Variants in CHAT observed in about 807,000 individuals in gnomAD.
CHAT encodes choline O-acetyltransferase, also known as acetyl CoA:choline O-acetyltransferase.
In CHAT, 61 loss-of-function variants were observed where a neutral mutation model predicts 76.9. The ratio of observed to expected loss-of-function variants is 0.79; its 90% CI spans 0.65 to 0.98. The LOEUF (loss-of-function observed/expected upper bound fraction) is 0.98. Ranked by LOEUF, CHAT falls within the 50% of genes least tolerant of loss-of-function variation. CHAT has a pLI of 0.00. For synonymous variants in CHAT, 407 were observed against 397.4 expected, an observed-to-expected ratio of 1.02 and a Z score of -0.29; for missense variants, 946 against 986.9, an observed-to-expected ratio of 0.96 and a Z score of 0.56.
rs1180855605 is a variant in CHAT at position 49,614,401 on chromosome 10, C to T, written c.212C>T (p.Pro71Leu). The T allele has an allele frequency of 1.9e-6, 3 of 1,546,838 alleles. No homozygotes were observed. Among genetic ancestry groups the T allele is most frequent in the African/African-American group, 1.4e-5 (1 of 72,954 alleles). The part of the protein sequence containing the change: ...PRAATRPPPL[P>L]AHTPAHTPEW... ...GCTGCGACACGCCCCCCACCCCTTCCGGCTCACACCCCCGCCCACACTCCT... is the reference window on the plus strand; with the variant it reads ...GCTGCGACACGCCCCCCACCCCTTCTGGCTCACACCCCCGCCCACACTCCT... The change falls in exon 1 of 15, where the codon CCG becomes CTG. Residue 71 changes from proline (P) to leucine (L), a missense_variant. Transcript: ENST00000337653.
chr10:49,653,778 G>A (rs868201455), intron 11 of CHAT, among the ~76,000 whole-genome samples: 2 of 152,368 alleles, frequency 1.3e-5, no homozygotes, highest in South Asian at 4.1e-4. Context: ...TAGGCCGTGA[G>A]GTCAGCATCC....
Position 49,667,660 on chromosome 10 carries a change from A to G in CHAT, c.*2614A>G, listed in dbSNP as rs772843968. On this transcript the variant is annotated 3_prime_UTR_variant, in exon 15 of 15. Transcript: ENST00000337653. ...AGGTGTCCCCAAAGAGATGGAAAAC[A>G]AGACAGTCATTTGGAACAGTGATGC... 2.0e-5 allele frequency among the ~76,000 whole-genome samples: 3 copies of G among 152,232 alleles called. No individual in the cohort carries two copies. Among genetic ancestry groups the G allele is most frequent in the Non-Finnish European group, 2.9e-5 (2 of 68,038 alleles).
At chr10:49,622,171 C>T (rs758307255) in intron 5 of CHAT, 21 bp downstream of exon 5, 8 of 1,612,870 alleles carry the variant, frequency 5.0e-6, no homozygotes, top group Non-Finnish European at 6.8e-6. Flanking sequence ...GAGGGTGGTG[C>T]CCTGTTCCAG....
intron 5 of CHAT, 35 bp from the exon 6 acceptor site, chr10:49,625,429 ACCATCCCCT>A: frequency 6.3e-7 from 1 of 1,592,960 alleles, no homozygotes. Flanking sequence ...CTCACCACCC[ACCATCCCCT>A]CGTGGCTGCC....
chr10:49,625,888 C>T (rs972893780), intron 6 of CHAT, among the ~76,000 whole-genome samples: 2 of 152,206 alleles, frequency 1.3e-5, no homozygotes, highest in African/African-American at 2.4e-5. Context: ...ACTCTCACTT[C>T]AGCACTGATG....
At chr10:49,613,968 C>A, upstream of CHAT, 1 of 782,040 alleles carries the variant, frequency 1.3e-6, no homozygotes, top group Non-Finnish European at 2.1e-6. Context: ...TCAGACCCAA[C>A]CCTCTCCAGG....
chr10:49,614,535 C>T (rs1406811040), intron 1 of CHAT, 60 bp downstream of exon 1: 7 of 1,055,526 alleles, frequency 6.6e-6, no homozygotes, highest in Non-Finnish European at 9.0e-6. Context: ...GGGCGGCGGT[C>T]GGGGGCTCTA....
At chr10:49,633,727 G>T (rs563496170) in intron 7 of CHAT, among the ~76,000 whole-genome samples, 3 of 152,238 alleles carry the variant, frequency 2.0e-5, no homozygotes, top group African/African-American at 7.2e-5. Context: ...TGTAGGAAAA[G>T]AATGGCCAGC....
chr10:49,642,187 A>G (rs555622096), intron 7 of CHAT, among the ~76,000 whole-genome samples: 63 of 152,350 alleles, frequency 4.1e-4, no homozygotes, highest in Non-Finnish European at 7.3e-4. Flanking sequence ...GGATGCCACA[A>G]GACAAATGGC....
chr10:49,660,319 G>A (rs778224732), intron 13 of CHAT, among the ~76,000 whole-genome samples: 53 of 152,148 alleles, frequency 3.5e-4, no homozygotes, highest in African/African-American at 1.1e-3. Context: ...CGGGGTGCCC[G>A]TAGTCCCAGC....
intron 7 of CHAT, among the ~76,000 whole-genome samples, chr10:49,639,820 T>C (rs1411636244): frequency 6.6e-6 from 1 of 152,114 alleles, no homozygotes; most frequent in Non-Finnish European, 1.5e-5. Context: ...CTGCCCTCTT[T>C]CTCCTCTCCT....
rs1173111361 is a variant in CHAT at position 49,649,408 on chromosome 10, G to A, written c.1383-100G>A. The A allele has an allele frequency of 5.5e-5, 86 of 1,565,726 alleles. 1 individual carries two copies. The highest frequency in any genetic ancestry group is 4.6e-4 in the South Asian group (41 of 89,398). Reference sequence around the variant, plus strand: ...TCGTACCCCCTGAAACTCCATGGCCGCAAACACTGACAGCTAAGATGATTG... The same window carrying A: ...TCGTACCCCCTGAAACTCCATGGCCACAAACACTGACAGCTAAGATGATTG... On this transcript the variant is annotated intron_variant, in intron 9 of 14. Transcript: ENST00000337653.
rs778801148 is a variant in CHAT at position 49,649,575 on chromosome 10, C to G, written c.1450C>G (p.Arg484Gly). The change falls in exon 10 of 15, where the codon CGG (arginine) becomes GGG (glycine). Residue 484 changes from arginine (R) to glycine (G), a missense_variant. Coordinates refer to ENST00000337653, the MANE Select transcript of CHAT (RefSeq NM_020549.5). ...VSELPAPRRL[R>G]WKCSPEIQGH... ...CGAGCTCCCCGCCCCCCGGAGGCTG[C>G]GGTGGAAATGCTCCCCGGAAATTCA... 3 of 1,613,890 alleles carry G rather than the reference C, an allele frequency of 1.9e-6. No homozygotes were observed. The highest frequency in any genetic ancestry group is 2.5e-6 in the Non-Finnish European group (3 of 1,180,036).
intron 13 of CHAT, among the ~76,000 whole-genome samples, chr10:49,658,241 T>C (rs559850945): frequency 4.0e-5 from 6 of 151,856 alleles, no homozygotes; most frequent in Admixed American, 2.6e-4. Flanking sequence ...AAAGGCCAGG[T>C]GTGGTGGCTC....
chr10:49,637,307 CA>C (rs1164856082), intron 7 of CHAT: 1 of 152,132 alleles, frequency 6.6e-6, no homozygotes, highest in East Asian at 1.9e-4. Context: ...CACAAATTTT[CA>C]TATGGTGTAT....
At chr10:49,643,862 AGGCCCCACC>A (rs1839569690) in intron 7 of CHAT, among the ~76,000 whole-genome samples, 1 of 152,208 alleles carries the variant, frequency 6.6e-6, no homozygotes, top group African/African-American at 2.4e-5. Context: ...CAGGAGGCCC[AGGCCCCACC>A]CTCAGTGAGT....
intron 4 of CHAT, 146 bp downstream of exon 4, chr10:49,620,759 C>T: frequency 1.4e-6 from 1 of 704,880 alleles, no homozygotes; most frequent in South Asian, 1.5e-5. Flanking sequence ...ACGTCCAGGC[C>T]ATCAGGTGGG....
rs1167326117 is a variant in CHAT, at chr10:49,619,887, C to A, written c.550C>A (p.Leu184Met). The A allele has an allele frequency of 6.2e-7, 1 of 1,612,902 alleles. No individual in the cohort carries two copies. The highest frequency in any genetic ancestry group is 2.2e-5 in the East Asian group (1 of 44,854). ...CGGCGAGACCCTGCAGCAGAAACTCCTGGAGCGGCAGGAGAAGACAGCCAA... is the reference window on the plus strand; with the variant it reads ...CGGCGAGACCCTGCAGCAGAAACTCATGGAGCGGCAGGAGAAGACAGCCAA... The part of the protein sequence containing the change: ...GLGETLQQKL[L>M]ERQEKTANWV... The change falls in exon 3 of 15, where the codon CTG (leucine) becomes ATG (methionine). Residue 184 changes from leucine to methionine, a missense_variant. Transcript: ENST00000337653.
Position 49,649,546 on chromosome 10 carries a change from T to C in CHAT, c.1421T>C (p.Val474Ala), listed in dbSNP as rs761462857. The C allele has an allele frequency of 6.2e-7, 1 of 1,613,884 alleles. No individual in the cohort carries two copies. Residue 474 changes from valine (V) to alanine (A), a missense_variant, in exon 10 of 15, where the codon GTC becomes GCC. Around this residue, in one of 3 missense-constraint regions of CHAT, gnomAD observed 349 missense variants for 393.9 expected, o/e 0.89. Transcript: ENST00000337653. The part of the protein sequence containing the change: ...SSRKLIRADS[V>A]SELPAPRRLR... ...AGGAAGCTGATCCGAGCAGACTCCG[T>C]CAGCGAGCTCCCCGCCCCCCGGAGG...
Sources: allele counts gnomAD v4.1 joint callset (sites outside exome capture counted in the v4.1 genomes callset), GRCh38; gene constraint gnomAD v4.1.1; regional missense constraint gnomAD v4.1.1; transcripts MANE v1.5; gene names NCBI Gene and HGNC (gene_info 2026-07-23, HGNC 2026-07-21).